The following VPS54 variants were observed in gnomAD, a reference collection of about 807,000 sequenced individuals.
VPS54 encodes the protein vacuolar protein sorting-associated protein 54.
In VPS54, 45 loss-of-function variants were observed where a neutral mutation model predicts 121.5. That is an observed-to-expected ratio of 0.37 (90% CI 0.29 to 0.47). The LOEUF (loss-of-function observed/expected upper bound fraction) is 0.47. Ranked by LOEUF, VPS54 falls within the 20% of genes least tolerant of loss-of-function variation. The pLI is 0.99. For synonymous variants in VPS54, 371 were observed against 385.8 expected (o/e 0.96, Z 0.45); for missense variants, 1,090 against 1,131.4 (o/e 0.96, Z 0.52).
At chr2:63,945,671 G>A (rs578251109) in intron 9 of VPS54, among the ~76,000 whole-genome samples, 1 of 152,208 alleles carries the variant, frequency 6.6e-6, no homozygotes, top group South Asian at 2.1e-4. Context: ...TTCAGAGTAT[G>A]TTTGAATTGT....
intron 20 of VPS54, among the ~76,000 whole-genome samples, chr2:63,904,300 G>A (rs1055312364): frequency 2.0e-5 from 3 of 151,634 alleles, no homozygotes; most frequent in South Asian, 2.1e-4. Flanking sequence ...TTAGCTGGGC[G>A]TGGTGGCAGG....
At chr2:63,971,965 T>G (rs749713457) in intron 4 of VPS54, among the ~76,000 whole-genome samples, 1 of 152,204 alleles carries the variant, frequency 6.6e-6, no homozygotes, top group Non-Finnish European at 1.5e-5. Context: ...CAATCAATAT[T>G]TGTTGAACTA....
At chr2:63,900,788 G>C (rs1404944167) in intron 20 of VPS54, among the ~76,000 whole-genome samples, 1 of 152,064 alleles carries the variant, frequency 6.6e-6, no homozygotes, top group Non-Finnish European at 1.5e-5. Flanking sequence ...TTTTGAGACA[G>C]AGTCTCACTC....
At chr2:63,924,343 A>G (rs987150169) in intron 12 of VPS54, among the ~76,000 whole-genome samples, 1 of 152,228 alleles carries the variant, frequency 6.6e-6, no homozygotes, top group Non-Finnish European at 1.5e-5. Context: ...AGTGGAAGTA[A>G]TAAGTGTGAA....
intron 1 of VPS54, among the ~76,000 whole-genome samples, chr2:64,003,874 T>C (rs1056924892): frequency 2.6e-5 from 4 of 152,120 alleles, no homozygotes; most frequent in African/African-American, 9.7e-5. Context: ...CACCAAGCAA[T>C]GAACACACGT....
intron 3 of VPS54, among the ~76,000 whole-genome samples, chr2:63,978,966 C>A (rs1157185108): frequency 6.6e-6 from 1 of 152,074 alleles, no homozygotes; most frequent in Admixed American, 6.6e-5. Context: ...TTGTGTCATT[C>A]AAGAAATCTG....
intron 1 of VPS54, among the ~76,000 whole-genome samples, chr2:63,988,504 A>G (rs1245243670): frequency 1.3e-5 from 2 of 152,226 alleles, no homozygotes; most frequent in Non-Finnish European, 2.9e-5. Context: ...GCAGAAGAAC[A>G]TAAATTGTGA....
At chr2:63,916,327 GCTT>G (rs1300012943) in intron 16 of VPS54, among the ~76,000 whole-genome samples, 4 of 152,090 alleles carry the variant, frequency 2.6e-5, no homozygotes, top group African/African-American at 9.7e-5. Context: ...GAATTTGTAT[GCTT>G]CTTAGTTAAC....
intron 16 of VPS54, among the ~76,000 whole-genome samples, chr2:63,915,212 A>G (rs1673328213): frequency 6.6e-6 from 1 of 151,606 alleles, no homozygotes; most frequent in African/African-American, 2.4e-5. Context: ...TCACCTCCAT[A>G]GAAGGACAAA....
chr2:63,959,715 C>T (rs1410884599), intron 7 of VPS54, among the ~76,000 whole-genome samples: 4 of 151,786 alleles, frequency 2.6e-5, no homozygotes, highest in Admixed American at 6.6e-5. Flanking sequence ...GGCAAGACTC[C>T]GTTTCTACTA....
At chr2:63,948,954 T>A (rs1675114827) in intron 8 of VPS54, 83 bp downstream of exon 8, 1 of 1,515,850 alleles carries the variant, frequency 6.6e-7, no homozygotes, top group Non-Finnish European at 8.8e-7. Context: ...ATAATTTTGA[T>A]TCCTATAATC....
At chr2:64,009,365 G>T (rs1212381122) in intron 1 of VPS54, among the ~76,000 whole-genome samples, 1 of 151,878 alleles carries the variant, frequency 6.6e-6, no homozygotes, top group Non-Finnish European at 1.5e-5. Context: ...GCCTAGACTG[G>T]AGTACAGTGG....
chr2:63,984,578 T>G (rs150431995), intron 1 of VPS54, among the ~76,000 whole-genome samples: 1 of 152,354 alleles, frequency 6.6e-6, no homozygotes, highest in Non-Finnish European at 1.5e-5. Context: ...TTACTGTCAT[T>G]GTAATTATTA....
chr2:63,904,178 G>A (rs763935866), intron 20 of VPS54, among the ~76,000 whole-genome samples: 42 of 151,990 alleles, frequency 2.8e-4, no homozygotes, highest in Non-Finnish European at 3.7e-4. Flanking sequence ...GGTGGCTCAC[G>A]CCTGTAATCC....
At chr2:63,928,190 C>T (rs1275665133) in intron 12 of VPS54, among the ~76,000 whole-genome samples, 1 of 152,112 alleles carries the variant, frequency 6.6e-6, no homozygotes, top group Non-Finnish European at 1.5e-5. Flanking sequence ...TTGAGAAGAA[C>T]AACCCCAAGA....
At chr2:63,966,042 A>G in intron 5 of VPS54, 76 bp from the exon 6 acceptor site, 1 of 1,394,882 alleles carries the variant, frequency 7.2e-7, no homozygotes, top group Non-Finnish European at 9.7e-7. Flanking sequence ...CATCATGATC[A>G]TTAAACAAAA....
chr2:63,960,180 G>A (rs937533386), intron 7 of VPS54, among the ~76,000 whole-genome samples: 3 of 152,086 alleles, frequency 2.0e-5, no homozygotes, highest in African/African-American at 7.2e-5. Flanking sequence ...AGAGGTTACA[G>A]TGAGCTAAGA....
intron 17 of VPS54, 78 bp from the exon 18 acceptor site, chr2:63,913,388 A>G: frequency 9.9e-7 from 1 of 1,009,928 alleles, no homozygotes; most frequent in African/African-American, 1.6e-5. Context: ...CTATTATAAA[A>G]ATACATTCCC....
At chr2:63,925,434 A>G (rs1284466205) in intron 12 of VPS54, among the ~76,000 whole-genome samples, 2 of 152,270 alleles carry the variant, frequency 1.3e-5, no homozygotes, top group African/African-American at 2.4e-5. Context: ...TGAGGGGAGC[A>G]TAAATGAGTA....
Sources: gnomAD v4.1 joint callset for allele counts (sites outside exome capture counted in the v4.1 genomes callset) on GRCh38, gnomAD v4.1.1 for gene constraint, MANE v1.5 for transcripts, NCBI Gene and HGNC (gene_info 2026-07-23, HGNC 2026-07-21) for gene names.